Variants in PTPRM observed in about 807,000 individuals in gnomAD.
PTPRM encodes receptor-type tyrosine-protein phosphatase mu.
In PTPRM, 47 loss-of-function variants were observed where a neutral mutation model predicts 186.7. The observed-to-expected ratio is 0.25, with a 90% CI of 0.20 to 0.32. The LOEUF (loss-of-function observed/expected upper bound fraction) is 0.32, where lower values mean the gene tolerates loss of function less well. Ranked by LOEUF, PTPRM falls within the 10% of genes least tolerant of loss-of-function variation. The pLI, the probability that PTPRM is intolerant of heterozygous loss-of-function variation, is 1.00. For missense variants in PTPRM, 1,494 were observed against 1,865.0 expected (o/e 0.80, Z 3.66); for synonymous variants, 668 against 674.9 (o/e 0.99, Z 0.16).
chr18:8,013,471 A>G (rs2084666763), intron 7 of PTPRM, among the ~76,000 whole-genome samples: 1 of 152,194 alleles, frequency 6.6e-6, no homozygotes, highest in African/African-American at 2.4e-5. Context: ...TTACTGAGAA[A>G]GTCTTAAGGC....
At chr18:8,072,018 A>G (rs1383959173) in intron 8 of PTPRM, among the ~76,000 whole-genome samples, 1 of 152,192 alleles carries the variant, frequency 6.6e-6, no homozygotes, top group Non-Finnish European at 1.5e-5. Context: ...ATAGCCACTC[A>G]TGATTCTTCT....
intron 1 of PTPRM, among the ~76,000 whole-genome samples, chr18:7,602,905 A>AATTATTATTATTATTATTATT (rs71354561): frequency 1.1e-4 from 16 of 141,708 alleles, no homozygotes; most frequent in Admixed American, 3.6e-4. Flanking sequence ...ATGTATTTGG[A>AATTATTATTATTATTATTATT]ATTATTATTA....
chr18:8,055,130 T>G (rs2087828481), intron 7 of PTPRM, among the ~76,000 whole-genome samples: 2 of 152,198 alleles, frequency 1.3e-5, no homozygotes, highest in Non-Finnish European at 2.9e-5. Context: ...TTCTATCTTT[T>G]GTATATGTTA....
intron 1 of PTPRM, among the ~76,000 whole-genome samples, chr18:7,676,655 GTGTGTGTA>G (rs1364635975): frequency 2.6e-4 from 35 of 133,776 alleles, no homozygotes; most frequent in African/African-American, 8.7e-4. Context: ...GTGTGTGTGT[GTGTGTGTA>G]TGTGTGTGTG....
At chr18:7,569,854 T>G (rs1417534890) in intron 1 of PTPRM, among the ~76,000 whole-genome samples, 2 of 152,244 alleles carry the variant, frequency 1.3e-5, no homozygotes, top group South Asian at 2.1e-4. Context: ...AATCATACCA[T>G]TAAGTGAAAT....
At chr18:8,099,317 G>A (rs532708351) in intron 11 of PTPRM, among the ~76,000 whole-genome samples, 14 of 152,232 alleles carry the variant, frequency 9.2e-5, no homozygotes, top group Admixed American at 2.6e-4. Context: ...GCTGGTGACC[G>A]CTTGTCCTGG....
At chr18:7,741,719 A>G (rs1434030196) in intron 1 of PTPRM, 1 of 152,206 alleles carries the variant, frequency 6.6e-6, no homozygotes, top group Non-Finnish European at 1.5e-5. Context: ...TGTCCCTCTG[A>G]TGAGATTAGC....
At chr18:8,138,327 C>T (rs555096509) in intron 13 of PTPRM, among the ~76,000 whole-genome samples, 32 of 151,976 alleles carry the variant, frequency 2.1e-4, no homozygotes, top group South Asian at 6.2e-4. Flanking sequence ...ACTGTTGGCT[C>T]GTGGCCATCA....
rs549835230 is a variant in PTPRM at position 8,040,873 on chromosome 18, C to G, written c.1133-28813C>G. Reference sequence around the variant, plus strand: ...TCAAGTTGATTACACCAATCAGAATCTCTCCATTTTTAAAAAATTAACTCT... The same window carrying G: ...TCAAGTTGATTACACCAATCAGAATGTCTCCATTTTTAAAAAATTAACTCT... On this transcript the variant is annotated intron_variant, in intron 7 of 32. Transcript: ENST00000580170. Among the ~76,000 whole-genome samples the G allele has an allele frequency of 1.5e-4, 23 of 152,312 alleles. No individual in the cohort carries two copies. The East Asian group carries it at 4.4e-3, about 29-fold the overall frequency.
At chr18:7,635,719 C>A (rs1044975360) in intron 1 of PTPRM, among the ~76,000 whole-genome samples, 4 of 152,190 alleles carry the variant, frequency 2.6e-5, no homozygotes, top group Non-Finnish European at 5.9e-5. Context: ...TGAGCATAGA[C>A]AAGTTAATGC....
At chr18:8,220,585 G>C (rs1025344017) in intron 14 of PTPRM, among the ~76,000 whole-genome samples, 2 of 152,190 alleles carry the variant, frequency 1.3e-5, no homozygotes, top group Non-Finnish European at 2.9e-5. Context: ...GTGGTGGGTG[G>C]ATCCACTAAG....
chr18:8,125,954 G>T (rs1298378236), intron 13 of PTPRM, among the ~76,000 whole-genome samples: 4 of 131,038 alleles, frequency 3.1e-5, no homozygotes, highest in Admixed American at 7.9e-5. Flanking sequence ...ATGCTGTGGA[G>T]AATGCTATAT....
intron 7 of PTPRM, among the ~76,000 whole-genome samples, chr18:8,053,977 C>G (rs8095659): frequency 6.6e-6 from 1 of 151,966 alleles, no homozygotes; most frequent in Non-Finnish European, 1.5e-5. Flanking sequence ...AATTAATCCC[C>G]TATTTGGTCA....
intron 29 of PTPRM, among the ~76,000 whole-genome samples, chr18:8,382,148 A>G (rs78426883): frequency 0.033 from 5,075 of 152,262 alleles, 250 homozygotes; most frequent in African/African-American, 0.11. Context: ...AGGCTTTGCA[A>G]TTCTACAAGA....
chr18:7,964,880 G>T (rs1465169664), intron 7 of PTPRM, among the ~76,000 whole-genome samples: 1 of 152,062 alleles, frequency 6.6e-6, no homozygotes, highest in African/African-American at 2.4e-5. Flanking sequence ...TCCCTGTTCT[G>T]CAGGGTGGCA....
chr18:8,112,579 T>C (rs915107325), intron 11 of PTPRM, among the ~76,000 whole-genome samples: 3 of 152,230 alleles, frequency 2.0e-5, no homozygotes, highest in Non-Finnish European at 4.4e-5. Flanking sequence ...TGTCAGGCTT[T>C]AGTTTTTCTC....
intron 11 of PTPRM, among the ~76,000 whole-genome samples, chr18:8,090,954 C>T (rs1442876233): frequency 2.0e-5 from 3 of 152,128 alleles, no homozygotes; most frequent in Admixed American, 2.0e-4. Flanking sequence ...TTTCCCAGTC[C>T]TCTTCCCTAG....
chr18:7,650,422 G>T, intron 1 of PTPRM, among the ~76,000 whole-genome samples: 1 of 145,416 alleles, frequency 6.9e-6, no homozygotes. Flanking sequence ...ATCCCTCTTG[G>T]AAACAATATA....
At chr18:7,772,407 C>CTTTCT (rs1555673486) in intron 1 of PTPRM, among the ~76,000 whole-genome samples, 1 of 102,350 alleles carries the variant, frequency 9.8e-6, no homozygotes, top group African/African-American at 3.6e-5. Context: ...TTCTTTCTTT[C>CTTTCT]TTTCTTTTCT....
Sources: allele counts gnomAD v4.1 joint callset (sites outside exome capture counted in the v4.1 genomes callset), GRCh38; gene constraint gnomAD v4.1.1; transcripts MANE v1.5; gene names NCBI Gene and HGNC (gene_info 2026-07-23, HGNC 2026-07-21).